The following UBE2J2 variants were observed in gnomAD, a reference collection of about 807,000 sequenced individuals.
The protein encoded by UBE2J2 is ubiquitin conjugating enzyme E2 J2, also known as ubiquitin-conjugating enzyme E2 J2.
Under a neutral mutation model 28.6 loss-of-function variants are expected in UBE2J2, and 5 were observed. That is an observed-to-expected ratio of 0.17 (90% CI 0.09 to 0.37). The LOEUF (loss-of-function observed/expected upper bound fraction) is 0.37. Among genes scored for constraint, UBE2J2 ranks in the 10% least tolerant of loss-of-function variants. The pLI, the probability that UBE2J2 is intolerant of heterozygous loss-of-function variation, is 1.00. For missense variants in UBE2J2, 226 were observed against 338.9 expected, an observed-to-expected ratio of 0.67 and a Z score of 2.62; for synonymous variants, 138 against 139.7, an observed-to-expected ratio of 0.99 and a Z score of 0.09.
rs182096013 is a variant in UBE2J2 at position 1,258,630 on chromosome 1, T to C, written c.173-1320A>G. 3.9e-3 allele frequency among the ~76,000 whole-genome samples: 599 copies of C among 152,250 alleles called. 4 individuals are homozygous for C. Among genetic ancestry groups the C allele is most frequent in the African/African-American group, 0.014 (567 of 41,538 alleles). On this transcript the variant is annotated intron_variant, in intron 3 of 6. Transcript: ENST00000349431. ...CTGTGCACACTCCAGGCCACTACAC[T>C]GACCGTCCACAGCACAGCGCCCAGA...
chr1:1,269,223 C>T (rs967386523), intron 1 of UBE2J2, among the ~76,000 whole-genome samples: 1 of 145,574 alleles, frequency 6.9e-6, no homozygotes, highest in African/African-American at 2.6e-5. Context: ...GGCCCCTCAG[C>T]CACACCCGAG....
Position 1,263,356 on chromosome 1 carries a change from G to A in UBE2J2, c.162C>T (p.Thr54=), listed in dbSNP as rs141625822. ...WHYVVRGPEM[T]PYEGGYYHGK... ...GCACAGAATCCTTACCTTCATAAGG[G>A]GTCATCTCTGGGCCTCGGACGACAT... Residue 54 remains threonine, a synonymous_variant, in exon 3 of 7, where the codon ACC becomes ACT. Transcript: ENST00000349431. 186 of 1,613,298 alleles carry A rather than the reference G, an allele frequency of 1.2e-4. 2 individuals carry two copies. The highest frequency in any genetic ancestry group is 3.3e-5 in the Admixed American group (2 of 59,996).
chr1:1,266,434 G>C (rs1245259994), intron 2 of UBE2J2: 1 of 178,928 alleles, frequency 5.6e-6, no homozygotes, highest in Admixed American at 6.0e-5. Flanking sequence ...TCTAAGGCAG[G>C]AGAATTGCTT....
chr1:1,270,764 A>G (rs189733564), intron 1 of UBE2J2, among the ~76,000 whole-genome samples: 2 of 152,208 alleles, frequency 1.3e-5, no homozygotes, highest in Non-Finnish European at 2.9e-5. Flanking sequence ...CAGCCAAGCA[A>G]ATAAACATCA....
intron 3 of UBE2J2, among the ~76,000 whole-genome samples, chr1:1,257,822 C>A (rs1168670139): frequency 2.0e-5 from 3 of 151,856 alleles, no homozygotes; most frequent in Non-Finnish European, 4.4e-5. Context: ...GCAAAACGCA[C>A]CTCAAACACA....
chr1:1,264,505 C>T (rs990331588), intron 2 of UBE2J2, among the ~76,000 whole-genome samples: 1 of 152,152 alleles, frequency 6.6e-6, no homozygotes, highest in African/African-American at 2.4e-5. Flanking sequence ...GGCTCGGTGG[C>T]TCATGCCCGT....
chr1:1,268,112 A>T lies in UBE2J2; in HGVS notation c.1-120T>A. 2 of 1,390,426 alleles carry T rather than the reference A, an allele frequency of 1.4e-6. No homozygotes were observed. Among genetic ancestry groups the T allele is most frequent in the Non-Finnish European group, 9.9e-7 (1 of 1,006,646 alleles). 86.1% of individuals were successfully genotyped at this position (1,390,426 alleles called of 1,614,324 possible). The stretch of plus-strand genomic sequence containing the variant: ...ATTCATTCAGGGCCCGGTCACCCAG[A>T]GTCACAGCTCACAGGTCACCCTCGC... On this transcript the variant is annotated intron_variant, in intron 1 of 6. Transcript: ENST00000349431. This position sits in a 1 kb window ranked among gnomAD's most constrained non-coding sequence, Gnocchi z 4.7.
chr1:1,266,224 C>A, intron 2 of UBE2J2: 1 of 1,222,278 alleles, frequency 8.2e-7, no homozygotes, highest in Non-Finnish European at 1.1e-6. Flanking sequence ...CCTCTGTGAG[C>A]CAGAGAAGGT....
chr1:1,261,996 T>G (rs1437607099), intron 3 of UBE2J2, among the ~76,000 whole-genome samples: 1 of 152,140 alleles, frequency 6.6e-6, no homozygotes, highest in Non-Finnish European at 1.5e-5. Context: ...TAGCTGGGAT[T>G]ATAGGCATGC....
At chr1:1,269,278 A>T (rs1029304610) in intron 1 of UBE2J2, among the ~76,000 whole-genome samples, 1 of 141,938 alleles carries the variant, frequency 7.0e-6, no homozygotes. Context: ...AGGAGGCTGG[A>T]TCAGGGACCC....
At chr1:1,263,269 A>C in intron 3 of UBE2J2, 77 bp downstream of exon 3, 2 of 1,345,926 alleles carry the variant, frequency 1.5e-6, no homozygotes, top group Non-Finnish European at 2.1e-6. Flanking sequence ...TTTGCAAATA[A>C]AAGATGTTGA....
At chr1:1,270,637 C>A (rs529533509) in intron 1 of UBE2J2, among the ~76,000 whole-genome samples, 1 of 152,204 alleles carries the variant, frequency 6.6e-6, no homozygotes, top group Non-Finnish European at 1.5e-5. Context: ...CAACTCCCCC[C>A]GTGGGTCCAG....
At chr1:1,261,532 TGG>T (rs761872873) in intron 3 of UBE2J2, among the ~76,000 whole-genome samples, 3 of 152,288 alleles carry the variant, frequency 2.0e-5, no homozygotes, top group Non-Finnish European at 2.9e-5. Flanking sequence ...TGAGGGAGAC[TGG>T]GTGTGGATAC....
chr1:1,262,786 C>A, intron 3 of UBE2J2: 1 of 175,134 alleles, frequency 5.7e-6, no homozygotes, highest in East Asian at 1.5e-4. Flanking sequence ...ATAAATGACA[C>A]TAGGTCTCTA....
At chr1:1,256,182 C>T in intron 5 of UBE2J2, 57 bp from the exon 6 acceptor site, 1 of 1,313,054 alleles carries the variant, frequency 7.6e-7, no homozygotes, top group Non-Finnish European at 1.1e-6. Context: ...TTTCAAGATT[C>T]TAAAAACAGA....
Position 1,256,126 on chromosome 1 carries a change from CTA to C in UBE2J2, c.415-3_415-2del. On this transcript the variant is annotated splice_acceptor_variant and splice_polypyrimidine_tract_variant and intron_variant, in intron 5 of 6. Transcript: ENST00000349431. LOFTEE classifies it high-confidence loss of function. ...AACTCTGCACTGCCAGTTGTCTTTT[CTA>C]GGAAGGAAGGGAAGGGAATCAGCCA... 1 of 1,608,268 alleles carries C rather than the reference CTA, an allele frequency of 6.2e-7. No individual in the cohort carries two copies. The highest frequency in any genetic ancestry group is 1.3e-5 in the African/African-American group (1 of 74,918).
chr1:1,259,823 C>T (rs562640758), intron 3 of UBE2J2, among the ~76,000 whole-genome samples: 3 of 152,318 alleles, frequency 2.0e-5, no homozygotes, highest in Non-Finnish European at 2.9e-5. Context: ...GTATTAAACC[C>T]ACCAGTTAAA....
intron 2 of UBE2J2, among the ~76,000 whole-genome samples, chr1:1,266,443 T>C (rs985861867): frequency 6.6e-6 from 1 of 151,844 alleles, no homozygotes; most frequent in Non-Finnish European, 1.5e-5. Flanking sequence ...GGAGAATTGC[T>C]TGAACCAGGG....
At chr1:1,255,963 C>T in intron 6 of UBE2J2, 82 bp downstream of exon 6, 1 of 1,059,652 alleles carries the variant, frequency 9.4e-7, no homozygotes, top group Non-Finnish European at 1.5e-6. Flanking sequence ...AGCTTCAGGA[C>T]ACAGATTTTA....
Sources: gnomAD v4.1 joint callset for allele counts (sites outside exome capture counted in the v4.1 genomes callset) on GRCh38, gnomAD v4.1.1 for gene constraint, Gnocchi (gnomAD v3.1) non-coding constraint, MANE v1.5 for transcripts, NCBI Gene and HGNC (gene_info 2026-07-23, HGNC 2026-07-21) for gene names.